The following FHIT variants were observed in gnomAD, a reference collection of about 807,000 sequenced individuals.
The protein encoded by FHIT is fragile histidine triad diadenosine triphosphatase.
FHIT carries 19 observed loss-of-function variants against 17.9 expected under a neutral mutation model. That is an observed-to-expected ratio of 1.06 (90% CI 0.74 to 1.56). The LOEUF is 1.56. FHIT is among the 40% of genes most tolerant of loss of function. The pLI, the probability that FHIT is intolerant of heterozygous loss-of-function variation, is 0.00. For synonymous variants in FHIT, 81 were observed against 69.7 expected, an observed-to-expected ratio of 1.16 and a Z score of -0.81; for missense variants, 248 against 189.2, an observed-to-expected ratio of 1.31 and a Z score of -1.82.
chr3:59,919,349 A>G (rs1705294564), intron 8 of FHIT, among the ~76,000 whole-genome samples: 1 of 152,166 alleles, frequency 6.6e-6, no homozygotes, highest in African/African-American at 2.4e-5. Context: ...AGCTAATGAT[A>G]TCTGCCACTT....
rs113691152 is a variant in FHIT, at chr3:60,626,572, T to A, written c.-17-89593A>T. 9.6e-4 allele frequency among the ~76,000 whole-genome samples: 146 copies of A among 152,282 alleles called. 1 individual carries two copies. Among genetic ancestry groups the A allele is most frequent in the Admixed American group, 6.2e-3 (95 of 15,304 alleles). ...TTGTTCTTGTATCCTAAAAACTTGC[T>A]CAACTTGTTTATTTCTGATAGGTTT... On this transcript the variant is annotated intron_variant, in intron 4 of 9. Transcript: ENST00000492590.
At chr3:60,659,838 C>T (rs1159163521) in intron 4 of FHIT, among the ~76,000 whole-genome samples, 3 of 151,990 alleles carry the variant, frequency 2.0e-5, no homozygotes, top group Non-Finnish European at 4.4e-5. Flanking sequence ...TTTTTATGTG[C>T]TGTGATTTTG....
intron 8 of FHIT, among the ~76,000 whole-genome samples, chr3:59,837,471 T>A (rs1014791814): frequency 2.0e-5 from 3 of 151,986 alleles, no homozygotes; most frequent in South Asian, 2.1e-4. Flanking sequence ...ACAAACACAA[T>A]TCCCCCCACC....
intron 5 of FHIT, among the ~76,000 whole-genome samples, chr3:60,465,930 T>G (rs560463953): frequency 6.6e-6 from 1 of 152,106 alleles, no homozygotes; most frequent in Non-Finnish European, 1.5e-5. Context: ...AAGAATGTCA[T>G]TGGTATTTTT....
chr3:60,161,394 G>A (rs1162420301), intron 5 of FHIT, among the ~76,000 whole-genome samples: 1 of 152,146 alleles, frequency 6.6e-6, no homozygotes, highest in African/African-American at 2.4e-5. Flanking sequence ...TGAGGGTAGG[G>A]CCTGATTTGT....
intron 8 of FHIT, among the ~76,000 whole-genome samples, chr3:59,792,885 C>T (rs1466557093): frequency 7.0e-6 from 1 of 142,610 alleles, no homozygotes; most frequent in Non-Finnish European, 1.5e-5. Context: ...GGGGGGGGGT[C>T]ATGAACCTCC....
chr3:60,347,058 T>C (rs1170178204), intron 5 of FHIT, among the ~76,000 whole-genome samples: 1 of 69,592 alleles, frequency 1.4e-5, no homozygotes, highest in Non-Finnish European at 2.7e-5. Context: ...TATACTTTTA[T>C]GATATTCTTG....
At chr3:61,239,900 A>G (rs907192422) in intron 1 of FHIT, among the ~76,000 whole-genome samples, 2 of 151,828 alleles carry the variant, frequency 1.3e-5, no homozygotes, top group South Asian at 2.1e-4. Context: ...AGCAACATAT[A>G]TATCACCTGG....
At chr3:60,240,780 A>C (rs922107828) in intron 5 of FHIT, among the ~76,000 whole-genome samples, 4 of 152,128 alleles carry the variant, frequency 2.6e-5, no homozygotes, top group African/African-American at 9.7e-5. Flanking sequence ...AGGAAGTAGA[A>C]TGCTGATGGC....
intron 5 of FHIT, among the ~76,000 whole-genome samples, chr3:60,328,344 T>G (rs1709801105): frequency 6.6e-6 from 1 of 152,172 alleles, no homozygotes; most frequent in African/African-American, 2.4e-5. Flanking sequence ...GAATGGGTAC[T>G]TTATAAGAAA....
At chr3:60,597,190 T>C (rs1421604743) in intron 4 of FHIT, among the ~76,000 whole-genome samples, 2 of 152,086 alleles carry the variant, frequency 1.3e-5, no homozygotes, top group Non-Finnish European at 2.9e-5. Context: ...TAAGTCAAAC[T>C]CACCCAACAT....
intron 8 of FHIT, among the ~76,000 whole-genome samples, chr3:59,834,542 T>C (rs1225710204): frequency 6.6e-6 from 1 of 152,048 alleles, no homozygotes; most frequent in African/African-American, 2.4e-5. Flanking sequence ...AAGATCAGAG[T>C]GCTAGTATGG....
chr3:60,268,150 G>A (rs213337), intron 5 of FHIT, among the ~76,000 whole-genome samples: 151,634 of 152,314 alleles, frequency 1, 75,480 homozygotes, highest in Middle Eastern at 1. Context: ...CTTTTCAGGC[G>A]TTAACACCCT....
At chr3:60,000,163 T>G (rs766384777) in intron 7 of FHIT, among the ~76,000 whole-genome samples, 7 of 152,178 alleles carry the variant, frequency 4.6e-5, no homozygotes, top group Non-Finnish European at 1.0e-4. Context: ...TCCTCCATGA[T>G]GATGGGACTC....
intron 5 of FHIT, among the ~76,000 whole-genome samples, chr3:60,093,699 C>G (rs952561094): frequency 6.6e-6 from 1 of 152,186 alleles, no homozygotes; most frequent in Admixed American, 6.5e-5. Context: ...AGCAAGAACC[C>G]TACTATGAAC....
chr3:60,929,088 CAT>C (rs1707809529), intron 3 of FHIT, among the ~76,000 whole-genome samples: 1 of 152,180 alleles, frequency 6.6e-6, no homozygotes, highest in African/African-American at 2.4e-5. Flanking sequence ...CGTAATCCAA[CAT>C]ATAAACAGAA....
At chr3:61,137,579 C>T (rs1383553044) in intron 2 of FHIT, among the ~76,000 whole-genome samples, 1 of 152,196 alleles carries the variant, frequency 6.6e-6, no homozygotes, top group Admixed American at 6.5e-5. Context: ...ATACCTGGGG[C>T]TACAAAGGCC....
At chr3:60,955,635 C>CATAT (rs1553778580) in intron 3 of FHIT, among the ~76,000 whole-genome samples, 1 of 48,342 alleles carries the variant, frequency 2.1e-5, no homozygotes, top group African/African-American at 7.3e-5. Context: ...TATATATATA[C>CATAT]ACACACACAC....
chr3:60,364,480 C>T (rs1176745591), intron 5 of FHIT, among the ~76,000 whole-genome samples: 2 of 152,198 alleles, frequency 1.3e-5, no homozygotes, highest in African/African-American at 4.8e-5. Context: ...CACCACTGTA[C>T]CTGGTATGCA....
Sources: gnomAD v4.1 joint callset for allele counts (sites outside exome capture counted in the v4.1 genomes callset) on GRCh38, gnomAD v4.1.1 for gene constraint, MANE v1.5 for transcripts, NCBI Gene and HGNC (gene_info 2026-07-23, HGNC 2026-07-21) for gene names.